Variants in ATP6V1E1 observed in about 807,000 individuals in gnomAD.
ATP6V1E1 encodes the protein V-type proton ATPase subunit E 1.
ATP6V1E1 carries 21 observed loss-of-function variants against 35.2 expected under a neutral mutation model. That is an observed-to-expected ratio of 0.60 (90% CI 0.42 to 0.86). The LOEUF (loss-of-function observed/expected upper bound fraction) is 0.86. ATP6V1E1 is among the 40% of genes least tolerant of loss of function. The pLI, the probability that ATP6V1E1 is intolerant of heterozygous loss-of-function variation, is 0.00. For synonymous variants in ATP6V1E1, 83 were observed against 87.8 expected (o/e 0.95, Z 0.30); for missense variants, 183 against 272.6 (o/e 0.67, Z 2.32).
intron 2 of ATP6V1E1, among the ~76,000 whole-genome samples, chr22:17,614,189 A>G (rs1391446462): frequency 1.3e-5 from 2 of 151,986 alleles, no homozygotes; most frequent in African/African-American, 2.4e-5. Context: ...CGTCTCTACT[A>G]AAAATATAAA....
Position 17,610,106 on chromosome 22 carries a change from T to C in ATP6V1E1, c.276+2706A>G, listed in dbSNP as rs1209466594. 2.7e-5 allele frequency among the ~76,000 whole-genome samples: 4 copies of C among 148,144 alleles called. No individual in the cohort carries two copies. The South Asian group carries it at 6.3e-4, about 23-fold the overall frequency. On this transcript the variant is annotated intron_variant, in intron 4 of 8. Coordinates refer to ENST00000253413, the MANE Select transcript of ATP6V1E1 (RefSeq NM_001696.4). Reference sequence around the variant, plus strand: ...CCATTGCATTCCAGCCTGGGCAACATAGCCAGACCATGCCTCTTAAAAAAA... The same window carrying C: ...CCATTGCATTCCAGCCTGGGCAACACAGCCAGACCATGCCTCTTAAAAAAA...
chr22:17,600,968 AAG>A (rs2057759042), intron 5 of ATP6V1E1, 122 bp downstream of exon 5: 2 of 779,064 alleles, frequency 2.6e-6, no homozygotes, highest in Non-Finnish European at 4.1e-6. Context: ...AAGAAAAAAA[AAG>A]GGTGAAAGGA....
intron 6 of ATP6V1E1, 42 bp downstream of exon 6, chr22:17,599,985 G>C: frequency 8.0e-7 from 1 of 1,251,548 alleles, no homozygotes; most frequent in Non-Finnish European, 1.1e-6. Context: ...AAGAAAGGGA[G>C]GGGGGAGGGA....
rs986920826 is a variant in ATP6V1E1 at position 17,620,313 on chromosome 22, A to C, written c.34-787T>G. 7.2e-5 allele frequency among the ~76,000 whole-genome samples: 11 copies of C among 151,852 alleles called. No individual in the cohort carries two copies. In the South Asian group the frequency reaches 2.3e-3, roughly 32 times the overall value. The stretch of plus-strand genomic sequence containing the variant: ...CAGGCGCCCGCCACCATGCCTGGCT[A>C]ATTTTTTGTATTTTTAGTAGAGACG... On this transcript the variant is annotated intron_variant, in intron 1 of 8. Transcript: ENST00000253413.
At chr22:17,614,941 C>T (rs1267100885) in intron 2 of ATP6V1E1, among the ~76,000 whole-genome samples, 3 of 145,358 alleles carry the variant, frequency 2.1e-5, no homozygotes, top group South Asian at 4.3e-4. Flanking sequence ...GGCAGCAGAG[C>T]GAGACACCGT....
chr22:17,610,775 C>T (rs556922446), intron 4 of ATP6V1E1, among the ~76,000 whole-genome samples: 2 of 151,690 alleles, frequency 1.3e-5, no homozygotes, highest in East Asian at 3.9e-4. Context: ...GCATTAGCAC[C>T]CAATAAGCTA....
intron 1 of ATP6V1E1, among the ~76,000 whole-genome samples, chr22:17,625,104 A>G (rs983084667): frequency 6.6e-6 from 1 of 152,208 alleles, no homozygotes; most frequent in African/African-American, 2.4e-5. Context: ...AGAATATTGT[A>G]TGATTTCTTA....
chr22:17,597,683 G>T (rs1035100373), intron 7 of ATP6V1E1, among the ~76,000 whole-genome samples: 2 of 151,908 alleles, frequency 1.3e-5, no homozygotes, highest in Non-Finnish European at 1.5e-5. Context: ...CTGGAGTCCA[G>T]TGAGTGGCGT....
chr22:17,619,786 A>G (rs1029607948), intron 1 of ATP6V1E1, among the ~76,000 whole-genome samples: 14 of 152,226 alleles, frequency 9.2e-5, no homozygotes, highest in Non-Finnish European at 1.9e-4. Context: ...TACAAGGATA[A>G]GTGAGATCAT....
intron 7 of ATP6V1E1, among the ~76,000 whole-genome samples, chr22:17,597,750 C>T (rs975260776): frequency 6.6e-6 from 1 of 152,050 alleles, no homozygotes; most frequent in Admixed American, 6.5e-5. Context: ...CCTGCCTCAG[C>T]CTCCTGGGTA....
intron 7 of ATP6V1E1, among the ~76,000 whole-genome samples, chr22:17,596,002 G>A (rs1174910218): frequency 1.3e-5 from 2 of 151,036 alleles, no homozygotes; most frequent in African/African-American, 2.4e-5. Flanking sequence ...CATGGTGGCG[G>A]GTGCCTGTAG....
intron 2 of ATP6V1E1, chr22:17,618,908 G>A (rs577702471): frequency 2.3e-6 from 1 of 434,724 alleles, no homozygotes; most frequent in Non-Finnish European, 4.6e-6. Context: ...GCTGAGGCAG[G>A]AGAATCACTT....
rs1236606845 is a variant in ATP6V1E1, at chr22:17,628,589, A to G, written c.33+14T>C. 8 of 1,614,124 alleles carry G rather than the reference A, an allele frequency of 5.0e-6. No individual in the cohort carries two copies. The highest frequency in any genetic ancestry group is 1.7e-5 in the Admixed American group (1 of 60,024). On this transcript the variant is annotated intron_variant, in intron 1 of 8. Coordinates refer to ENST00000253413, the MANE Select transcript of ATP6V1E1 (RefSeq NM_001696.4). ...TGCCGCCGCGGCTTCGTAAGACCCAACCAAGCCCCTCACCTGCTTTTGCAC... is the reference window on the plus strand; with the variant it reads ...TGCCGCCGCGGCTTCGTAAGACCCAGCCAAGCCCCTCACCTGCTTTTGCAC...
At chr22:17,612,714 A>T in intron 4 of ATP6V1E1, 98 bp downstream of exon 4, 1 of 995,976 alleles carries the variant, frequency 1.0e-6, no homozygotes, top group South Asian at 1.8e-5. Flanking sequence ...TCTAAAGATT[A>T]TTCAATCAAC....
intron 1 of ATP6V1E1, among the ~76,000 whole-genome samples, chr22:17,621,241 A>G (rs1370478531): frequency 1.3e-5 from 2 of 152,118 alleles, no homozygotes; most frequent in African/African-American, 4.8e-5. Context: ...TGCTTTCAAA[A>G]TGCCTATCTT....
chr22:17,627,989 T>C (rs76515759), intron 1 of ATP6V1E1, among the ~76,000 whole-genome samples: 2,859 of 143,810 alleles, frequency 0.02, 87 homozygotes, highest in African/African-American at 0.065. Flanking sequence ...GTTTGTTTTT[T>C]TTTTTTCTTT....
chr22:17,618,681 C>CAAAAAA, intron 2 of ATP6V1E1, among the ~76,000 whole-genome samples: 3 of 72,412 alleles, frequency 4.1e-5, no homozygotes, highest in Admixed American at 1.5e-4. Context: ...GACTCCATCT[C>CAAAAAA]AAAAAAAAAA....
At chr22:17,604,937 T>C (rs12166960) in intron 4 of ATP6V1E1, among the ~76,000 whole-genome samples, 54,854 of 151,582 alleles carry the variant, frequency 0.36, 10,381 homozygotes, top group African/African-American at 0.46. Context: ...AAAACTTGGC[T>C]GGGTGCGGTT....
intron 7 of ATP6V1E1, 72 bp downstream of exon 7, chr22:17,598,122 A>T (rs955989736): frequency 1.8e-5 from 22 of 1,200,278 alleles, no homozygotes; most frequent in African/African-American, 1.5e-4. Flanking sequence ...AATACCATTT[A>T]AAAAAGGCCT....
Sources: allele counts gnomAD v4.1 joint callset (sites outside exome capture counted in the v4.1 genomes callset), GRCh38; gene constraint gnomAD v4.1.1; transcripts MANE v1.5; gene names NCBI Gene and HGNC (gene_info 2026-07-23, HGNC 2026-07-21).